Variants in PLEKHG2 observed in about 807,000 individuals in gnomAD.
PLEKHG2 encodes pleckstrin homology domain-containing family G member 2.
A neutral mutation model predicts 104.4 loss-of-function variants in PLEKHG2; 71 were observed. The ratio of observed to expected loss-of-function variants is 0.68; its 90% CI spans 0.56 to 0.83. The LOEUF (loss-of-function observed/expected upper bound fraction) is 0.83, where lower values mean the gene tolerates loss of function less well. PLEKHG2 is among the 40% of genes least tolerant of loss of function. The pLI is 0.00. For synonymous variants in PLEKHG2, 728 were observed against 737.0 expected (o/e 0.99, Z 0.20); for missense variants, 1,730 against 1,809.4 (o/e 0.96, Z 0.80).
In PLEKHG2 at chr19:39,425,047, G is replaced by C; in HGVS notation, c.3914G>C (p.Arg1305Pro). 1 of 1,598,104 alleles carries C rather than the reference G, an allele frequency of 6.3e-7. No individual in the cohort carries two copies. Among genetic ancestry groups the C allele is most frequent in the Non-Finnish European group, 8.5e-7 (1 of 1,172,880 alleles). The change falls in exon 19 of 19, where the codon CGG (arginine) becomes CCG (proline). Residue 1305 changes from arginine (R) to proline (P), a missense_variant. By Grantham distance (103) the Arg-to-Pro change is moderately radical. Coordinates refer to ENST00000425673, the MANE Select transcript of PLEKHG2 (RefSeq NM_022835.3). ...GGGGGAGGGGCCCCCGCAGCCTCCC[G>C]GGGCTCCTGGTCCTCTGCTCCCACG... Reference protein sequence around the residue: ...GPGGGAPAASRGSWSSAPTSR... With the variant: ...GPGGGAPAASPGSWSSAPTSR...
chr19:39,422,592 T>C, intron 17 of PLEKHG2, 140 bp from the exon 18 acceptor site: 7 of 1,095,162 alleles, frequency 6.4e-6, no homozygotes, highest in Non-Finnish European at 8.5e-6. Context: ...TTTCACTATG[T>C]TGGCCAGGCT....
chr19:39,415,848 C>T lies in PLEKHG2; in HGVS notation c.479+409C>T, dbSNP rs546509359. 4.7e-4 allele frequency among the ~76,000 whole-genome samples: 71 copies of T among 152,236 alleles called. No homozygotes were observed. In the East Asian group the frequency reaches 0.011, roughly 24 times the overall value. ...CAAGAATCATATGGGGCCTGAAGGC[C>T]GAGACAGCGTGAGCATGCGAGTGAC... On this transcript the variant is annotated intron_variant, in intron 4 of 18. Transcript: ENST00000425673. The surrounding 1 kb of genome is among the most constrained non-coding windows in gnomAD (Gnocchi z 4.6).
In PLEKHG2 at chr19:39,417,934, C is replaced by A. The variant is rs35466645; in HGVS notation, c.912C>A (p.Thr304=). 1 of 1,542,332 alleles carries A rather than the reference C, an allele frequency of 6.5e-7. No individual in the cohort carries two copies. The highest frequency in any genetic ancestry group is 8.7e-7 in the Non-Finnish European group (1 of 1,145,320). The change falls in exon 9 of 19, where the codon ACC becomes ACA. Residue 304 remains threonine (T), a synonymous_variant. Coordinates refer to ENST00000425673, the MANE Select transcript of PLEKHG2 (RefSeq NM_022835.3). ...TGCAGCGGCGGCTGGGTGGCTGGACCGGACCAGAGCTCAGTGCTTTTGGGG... is the reference window on the plus strand; with the variant it reads ...TGCAGCGGCGGCTGGGTGGCTGGACAGGACCAGAGCTCAGTGCTTTTGGGG... ...QEVQRRLGGW[T]GPELSAFGEL... is the part of the protein sequence containing the mutation.
In PLEKHG2 at chr19:39,425,639, T is replaced by C; in HGVS notation, c.*345T>C. ...GAATCTCAGACTCCTTTGAGAATTA[T>C]TGGAAAATGGACCCACTATAACTTG... is the stretch of plus-strand genomic sequence containing the variant. On this transcript the variant is annotated 3_prime_UTR_variant, in exon 19 of 19. Transcript: ENST00000425673. 1 of 399,164 alleles carries C rather than the reference T, an allele frequency of 2.5e-6. No individual in the cohort carries two copies. Among genetic ancestry groups the C allele is most frequent in the Non-Finnish European group, 4.4e-6 (1 of 227,452 alleles). 24.7% of individuals were successfully genotyped at this position (399,164 alleles called of 1,614,324 possible). A position where few individuals can be genotyped will look rare whatever the true frequency, so the allele number is the denominator to read the frequency against.
At position 39,417,570 on chromosome 19, in the gene PLEKHG2, T is replaced by C. The variant is rs749296655; in HGVS notation, c.760T>C (p.Trp254Arg). ...HLLLQELGKHWAEGPGTGGRE... is the reference protein window; with the variant it reads ...HLLLQELGKHRAEGPGTGGRE... ...TGCCTGACAGGAACTAGGGAAGCAC[T>C]GGGCGGAGGGCCCAGGCACTGGGGG... Residue 254 changes from tryptophan to arginine, a missense_variant, in exon 8 of 19, where the codon TGG becomes CGG. By Grantham distance (101) the Trp-to-Arg change is moderately radical. Coordinates refer to ENST00000425673, the MANE Select transcript of PLEKHG2 (RefSeq NM_022835.3). The C allele has an allele frequency of 6.2e-7, 1 of 1,614,104 alleles. No homozygotes were observed.
rs1389705389 is a variant in PLEKHG2 at position 39,413,225 on chromosome 19, C to CGA, written c.-210_-209insGA. 6.6e-6 allele frequency: 1 copy of CGA among 152,254 alleles called. No homozygotes were observed. Among genetic ancestry groups the CGA allele is most frequent in the African/African-American group, 2.4e-5 (1 of 41,448 alleles). 9.4% of individuals were successfully genotyped at this position (152,254 alleles called of 1,614,324 possible). On this transcript the variant is annotated 5_prime_UTR_variant, in exon 1 of 19. Coordinates refer to ENST00000425673, the MANE Select transcript of PLEKHG2 (RefSeq NM_022835.3). This position sits in a 1 kb window ranked among gnomAD's most constrained non-coding sequence, Gnocchi z 4.5. ...TCCAGAGTCGAGGCTCCTAGCATCC[C>CGA]CTACGTAGAACACTGAGAAATTCCG...
Position 39,414,078 on chromosome 19 carries a change from C to A in PLEKHG2, c.-9C>A, listed in dbSNP as rs1274657776. 1.9e-6 allele frequency: 3 copies of A among 1,550,278 alleles called. No homozygotes were observed. The South Asian group carries it at 3.6e-5, about 18-fold the overall frequency. ...CTCTTTCTGCAGGACTCTGCTGGGC[C>A]GCTCAGCCATGCCTGAGGGAGCCCA... On this transcript the variant is annotated 5_prime_UTR_variant, in exon 2 of 19. Transcript: ENST00000425673.
chr19:39,422,753 A>C lies in PLEKHG2; in HGVS notation c.1699A>C (p.Lys567Gln), dbSNP rs904812149. Residue 567 changes from lysine (K) to glutamine (Q), a missense_variant, in exon 18 of 19, where the codon AAG becomes CAG. Coordinates refer to ENST00000425673, the MANE Select transcript of PLEKHG2 (RefSeq NM_022835.3). The part of the protein sequence containing the change: ...DPGPSTHDIP[K>Q]FPGDSQVPGD... ...ATAGCCGTCCACCCATGACATTCCC[A>C]AGTTCCCCGGAGACTCCCAGGTGCC... 6.6e-7 allele frequency: 1 copy of C among 1,521,842 alleles called. No homozygotes were observed. The highest frequency in any genetic ancestry group is 1.4e-5 in the African/African-American group (1 of 71,576). The allele number at this position is 1,521,842 out of a possible 1,614,324, so 94.3% of individuals were successfully genotyped here.
In PLEKHG2 at chr19:39,414,191, G is replaced by T; in HGVS notation, c.105G>T (p.Arg35=). The T allele has an allele frequency of 1.9e-6, 3 of 1,551,312 alleles. No individual in the cohort carries two copies. In the South Asian group the frequency reaches 3.6e-5, roughly 18 times the overall value. Residue 35 remains arginine, a synonymous_variant, in exon 2 of 19, where the codon CGG becomes CGT. Transcript: ENST00000425673. ...VCDCGTVCET[R]TAPAAPTMAS... Reference sequence around the variant, plus strand: ...ACTGTGGCACCGTGTGTGAGACTCGGACAGGTGAGCCTAGAGGCAGGGGCG... The same window carrying T: ...ACTGTGGCACCGTGTGTGAGACTCGTACAGGTGAGCCTAGAGGCAGGGGCG...
chr19:39,421,175 G>T, intron 15 of PLEKHG2, 62 bp downstream of exon 15: 1 of 1,613,664 alleles, frequency 6.2e-7, no homozygotes. Flanking sequence ...GGATGTCTGG[G>T]GCGGGTTGGG....
intron 11 of PLEKHG2, 78 bp downstream of exon 11, chr19:39,419,081 C>A: frequency 7.7e-7 from 1 of 1,305,218 alleles, no homozygotes. Context: ...GACGCCCCTG[C>A]CCAATGCCAG....
chr19:39,417,950 G>T lies in PLEKHG2; in HGVS notation c.928G>T (p.Ala310Ser). ...TGGCTGGACCGGACCAGAGCTCAGT[G>T]CTTTTGGGGAACTGGTGTTGGAGGG... ...LGGWTGPELS[A>S]FGELVLEGAF... Residue 310 changes from alanine to serine, a missense_variant, in exon 9 of 19, where the codon GCT becomes TCT. Coordinates refer to ENST00000425673, the MANE Select transcript of PLEKHG2 (RefSeq NM_022835.3). 6.5e-7 allele frequency: 1 copy of T among 1,544,184 alleles called. No individual in the cohort carries two copies. The highest frequency in any genetic ancestry group is 8.7e-7 in the Non-Finnish European group (1 of 1,145,802).
chr19:39,417,434 T>C (rs1417129720), intron 7 of PLEKHG2, 121 bp from the exon 8 acceptor site: 2 of 1,291,916 alleles, frequency 1.5e-6, no homozygotes, highest in Admixed American at 5.0e-5. Flanking sequence ...ATTACAGACA[T>C]GAGCCACTGC....
At chr19:39,422,446 C>T (rs997420051) in intron 17 of PLEKHG2, among the ~76,000 whole-genome samples, 158 bp downstream of exon 17, 2 of 151,946 alleles carry the variant, frequency 1.3e-5, no homozygotes, top group African/African-American at 2.4e-5. Context: ...GGCGCCATCT[C>T]GGCTCACTGC....
rs2078632871 is a variant in PLEKHG2, at chr19:39,417,877, C to T, written c.883-28C>T. 12 of 1,526,798 alleles carry T rather than the reference C, an allele frequency of 7.9e-6. 1 individual carries two copies. Among genetic ancestry groups the T allele is most frequent in the African/African-American group, 6.9e-5 (5 of 72,758 alleles). The allele number at this position is 1,526,798 out of a possible 1,614,324, so 94.6% of individuals were successfully genotyped here. ...CACCTACCCATGCTTGTCTCTGCGC[C>T]CCGGCGCACCTGGCGGGGTCCCGGC... On this transcript the variant is annotated intron_variant, in intron 8 of 18. Coordinates refer to ENST00000425673, the MANE Select transcript of PLEKHG2 (RefSeq NM_022835.3).
chr19:39,417,736 C>T (rs1409093106), intron 8 of PLEKHG2, 44 bp downstream of exon 8: 31 of 449,164 alleles, frequency 6.9e-5, no homozygotes, highest in Middle Eastern at 1.2e-3. Flanking sequence ...AGGGAGTGAG[C>T]GAGGGGGCCT....
rs1477025028 is a variant in PLEKHG2, at chr19:39,418,926, C to A, written c.1186C>A (p.Gln396Lys). ...TCCAACCCACTCCTAGGCCAAGAAC[C>A]AAGAAGAGAAGAGGCTGTGGATTCA... is the stretch of plus-strand genomic sequence containing the variant. ...KHRHLLQAKN[Q>K]EEKRLWIHCL... The change falls in exon 11 of 19, where the codon CAA becomes AAA. Residue 396 changes from glutamine (Q) to lysine (K), a missense_variant. Physicochemically the swap from Gln to Lys is moderately conservative, Grantham distance 53. Transcript: ENST00000425673. 6.2e-7 allele frequency: 1 copy of A among 1,612,178 alleles called. No individual in the cohort carries two copies. The highest frequency in any genetic ancestry group is 8.5e-7 in the Non-Finnish European group (1 of 1,179,066).
chr19:39,414,167 C>G lies in PLEKHG2; in HGVS notation c.81C>G (p.Asp27Glu). Residue 27 changes from aspartate (D) to glutamate (E), a missense_variant, in exon 2 of 19, where the codon GAC becomes GAG. Asp to Glu is a conservative substitution (Grantham distance 45, BLOSUM62 2). Transcript: ENST00000425673. ...GTGGCCGAAGAGGTGAAGTGTGTGA[C>G]TGTGGCACCGTGTGTGAGACTCGGA... is the stretch of plus-strand genomic sequence containing the variant. ...LGCGRRGEVC[D>E]CGTVCETRTA... is the part of the protein sequence containing the mutation. 1 of 1,551,500 alleles carries G rather than the reference C, an allele frequency of 6.4e-7. No homozygotes were observed. Among genetic ancestry groups the G allele is most frequent in the Non-Finnish European group, 8.7e-7 (1 of 1,146,844 alleles).
Position 39,417,595 on chromosome 19 carries a change from G to A in PLEKHG2, c.785G>A (p.Gly262Asp), listed in dbSNP as rs766028297. ...KHWAEGPGTG[G>D]REMVEEAIVS... ...TGGGCGGAGGGCCCAGGCACTGGGG[G>A]TCGCGAGATGGTGGAGGAAGCTATT... The change falls in exon 8 of 19, where the codon GGT becomes GAT. Residue 262 changes from glycine (G) to aspartate (D), a missense_variant. Transcript: ENST00000425673. 3.7e-6 allele frequency: 6 copies of A among 1,614,108 alleles called. No homozygotes were observed. Among genetic ancestry groups the A allele is most frequent in the Non-Finnish European group, 4.2e-6 (5 of 1,180,026 alleles).
Sources: gnomAD v4.1 joint callset for allele counts (sites outside exome capture counted in the v4.1 genomes callset) on GRCh38, gnomAD v4.1.1 for gene constraint, Gnocchi (gnomAD v3.1) non-coding constraint, MANE v1.5 for transcripts, NCBI Gene and HGNC (gene_info 2026-07-23, HGNC 2026-07-21) for gene names.